HAPLN1: variants seen among roughly 807,000 people sequenced by gnomAD.
HAPLN1 encodes the protein Cartilage link protein.
Under a neutral mutation model 36.5 loss-of-function variants are expected in HAPLN1, and 13 were observed. The ratio of observed to expected loss-of-function variants is 0.36; its 90% confidence interval spans 0.23 to 0.57. HAPLN1 has a LOEUF of 0.57. Among genes scored for constraint, HAPLN1 ranks in the 20% least tolerant of loss-of-function variants. The pLI is 0.83. For missense variants in HAPLN1, 407 were observed against 439.7 expected (o/e 0.93, Z 0.66); for synonymous variants, 202 against 169.8 (o/e 1.19, Z -1.48).
At chr5:83,707,287 G>A (rs1035588063) in intron 1 of HAPLN1, among the ~76,000 whole-genome samples, 6 of 152,046 alleles carry the variant, frequency 3.9e-5, no homozygotes, top group Admixed American at 3.9e-4. Context: ...GCAGTCCTAA[G>A]GAAAAGGAAG....
At chr5:83,716,556 A>G (rs1330700119) in intron 1 of HAPLN1, among the ~76,000 whole-genome samples, 2 of 152,210 alleles carry the variant, frequency 1.3e-5, no homozygotes, top group Non-Finnish European at 2.9e-5. Flanking sequence ...AACTCTTAAT[A>G]ACAGCTATCT....
At chr5:83,684,736 G>T (rs759728193) in intron 1 of HAPLN1, among the ~76,000 whole-genome samples, 4 of 152,082 alleles carry the variant, frequency 2.6e-5, no homozygotes, top group Non-Finnish European at 5.9e-5. Context: ...AGACAAAAAG[G>T]CCTTGAACAT....
chr5:83,700,712 G>A (rs1228237447), intron 1 of HAPLN1, among the ~76,000 whole-genome samples: 3 of 149,522 alleles, frequency 2.0e-5, no homozygotes, highest in African/African-American at 7.4e-5. Flanking sequence ...ATTAGACTAA[G>A]CTAGGTTTCA....
At chr5:83,710,041 G>T (rs540584667) in intron 1 of HAPLN1, among the ~76,000 whole-genome samples, 2 of 152,180 alleles carry the variant, frequency 1.3e-5, no homozygotes, top group South Asian at 2.1e-4. Context: ...TCAGAAGAAA[G>T]AAAAAGACTT....
intron 1 of HAPLN1, among the ~76,000 whole-genome samples, chr5:83,681,109 T>C (rs1207195961): frequency 6.6e-6 from 1 of 152,218 alleles, no homozygotes; most frequent in Non-Finnish European, 1.5e-5. Context: ...CAAAGCATTG[T>C]ATTAAATAAT....
intron 1 of HAPLN1, among the ~76,000 whole-genome samples, chr5:83,709,153 C>T (rs184826733): frequency 9.2e-5 from 14 of 152,306 alleles, no homozygotes; most frequent in African/African-American, 3.4e-4. Flanking sequence ...CCGTGCTCAG[C>T]CCAGTTTATC....
rs527533529 is a variant in HAPLN1 at position 83,684,869 on chromosome 5, T to C, written c.-26-11320A>G. Among the ~76,000 whole-genome samples the C allele has an allele frequency of 5.3e-5, 8 of 152,310 alleles. No individual in the cohort carries two copies. In the South Asian group the frequency reaches 1.5e-3, roughly 28 times the overall value. The stretch of plus-strand genomic sequence containing the variant: ...ATATAACTGTGTACAAAGTACACAG[T>C]ACAAAGAGGGATCTTCTCAATCTGA... On this transcript the variant is annotated intron_variant, in intron 1 of 4. Coordinates refer to ENST00000274341, the MANE Select transcript of HAPLN1 (RefSeq NM_001884.4).
At chr5:83,645,485 T>TTTTTTTTTTTTTTTTTTTTTG (rs1749845478) in intron 3 of HAPLN1, among the ~76,000 whole-genome samples, 1 of 141,484 alleles carries the variant, frequency 7.1e-6, no homozygotes, top group African/African-American at 2.6e-5. Context: ...CTTTTTTTTT[T>TTTTTTTTTTTTTTTTTTTTTG]TTTTTTAGCT....
intron 1 of HAPLN1, among the ~76,000 whole-genome samples, chr5:83,684,318 C>G (rs1378470160): frequency 6.6e-6 from 1 of 152,082 alleles, no homozygotes; most frequent in African/African-American, 2.4e-5. Context: ...TAAGGCTCAG[C>G]TTCAGATCCC....
chr5:83,664,368 C>G (rs545879355), intron 2 of HAPLN1, among the ~76,000 whole-genome samples: 1 of 152,000 alleles, frequency 6.6e-6, no homozygotes, highest in Non-Finnish European at 1.5e-5. Flanking sequence ...CTCTCACAAC[C>G]TTTTTTTCCC....
Position 83,655,957 on chromosome 5 carries a change from T to C in HAPLN1, c.101-3133A>G, listed in dbSNP as rs540480317. ...CGTTGATTACAAACTTTGCACACTT[T>C]TGCCTAGAGAAAGTCTTGAATCTGA... On this transcript the variant is annotated intron_variant, in intron 2 of 4. Coordinates refer to ENST00000274341, the MANE Select transcript of HAPLN1 (RefSeq NM_001884.4). 3.3e-5 allele frequency among the ~76,000 whole-genome samples: 5 copies of C among 152,286 alleles called. 1 individual carries two copies. The highest frequency in any genetic ancestry group is 1.2e-4 in the African/African-American group (5 of 41,546).
At chr5:83,686,461 A>C (rs758281902) in intron 1 of HAPLN1, among the ~76,000 whole-genome samples, 2 of 152,160 alleles carry the variant, frequency 1.3e-5, no homozygotes, top group Non-Finnish European at 2.9e-5. Flanking sequence ...TGAGAGACAA[A>C]GTTAGTGAAA....
rs187981170 is a variant in HAPLN1 at position 83,677,810 on chromosome 5, G to A, written c.-26-4261C>T. ...AGGACTGCCTCAAACTTGATTGATCGTTATGGATAAATGTAAGAAAAATAG... is the reference window on the plus strand; with the variant it reads ...AGGACTGCCTCAAACTTGATTGATCATTATGGATAAATGTAAGAAAAATAG... On this transcript the variant is annotated intron_variant, in intron 1 of 4. Transcript: ENST00000274341. 3.1e-4 allele frequency among the ~76,000 whole-genome samples: 47 copies of A among 152,256 alleles called. 1 individual carries two copies. Among genetic ancestry groups the A allele is most frequent in the Non-Finnish European group, 4.1e-4 (28 of 68,012 alleles).
intron 1 of HAPLN1, among the ~76,000 whole-genome samples, chr5:83,705,216 C>A (rs751942349): frequency 4.0e-5 from 6 of 151,672 alleles, no homozygotes; most frequent in Non-Finnish European, 8.8e-5. Flanking sequence ...ATGGCAAAAC[C>A]CTGTCTCTGT....
At chr5:83,661,723 G>A (rs1216476499) in intron 2 of HAPLN1, among the ~76,000 whole-genome samples, 1 of 152,106 alleles carries the variant, frequency 6.6e-6, no homozygotes, top group Admixed American at 6.5e-5. Context: ...GATTACAGGC[G>A]TGAGCAACGG....
chr5:83,704,375 AC>A (rs1169829642), intron 1 of HAPLN1, among the ~76,000 whole-genome samples: 2 of 152,168 alleles, frequency 1.3e-5, no homozygotes, highest in African/African-American at 4.8e-5. Flanking sequence ...CCAGCTAACA[AC>A]ATGACAGGAT....
At chr5:83,708,650 C>G (rs1286214082) in intron 1 of HAPLN1, among the ~76,000 whole-genome samples, 3 of 152,078 alleles carry the variant, frequency 2.0e-5, no homozygotes, top group East Asian at 3.9e-4. Context: ...ATCTGTACAA[C>G]TAACCCCCAT....
At chr5:83,688,264 T>G (rs1751180866) in intron 1 of HAPLN1, among the ~76,000 whole-genome samples, 1 of 152,198 alleles carries the variant, frequency 6.6e-6, no homozygotes. Context: ...ATGGGAGAAC[T>G]ATTTTGTCCA....
intron 1 of HAPLN1, among the ~76,000 whole-genome samples, chr5:83,683,135 G>A (rs185163356): frequency 6.6e-6 from 1 of 152,202 alleles, no homozygotes; most frequent in African/African-American, 2.4e-5. Flanking sequence ...AACAATATGG[G>A]CACTATTGTC....
Sources: allele counts gnomAD v4.1 joint callset (sites outside exome capture counted in the v4.1 genomes callset), GRCh38; gene constraint gnomAD v4.1.1; transcripts MANE v1.5; gene names NCBI Gene and HGNC (gene_info 2026-07-23, HGNC 2026-07-21).